Variants in KAT6B observed in about 807,000 individuals in gnomAD.
The protein encoded by KAT6B is histone acetyltransferase KAT6B.
KAT6B carries 10 observed loss-of-function variants against 187.5 expected under a neutral mutation model. The observed-to-expected ratio is 0.05, with a 90% CI of 0.03 to 0.09. The LOEUF (loss-of-function observed/expected upper bound fraction) is 0.09, where lower values mean the gene tolerates loss of function less well. KAT6B is among the 10% of genes least tolerant of loss of function. The pLI is 1.00. For synonymous variants in KAT6B, 861 were observed against 926.8 expected, an observed-to-expected ratio of 0.93 and a Z score of 1.29; for missense variants, 1,952 against 2,558.9, an observed-to-expected ratio of 0.76 and a Z score of 5.12.
intron 13 of KAT6B, among the ~76,000 whole-genome samples, chr10:74,994,210 A>G (rs748185830): frequency 6.6e-6 from 1 of 152,090 alleles, no homozygotes; most frequent in Non-Finnish European, 1.5e-5. Flanking sequence ...ATTTTTTTGT[A>G]TAATTGTGGG....
intron 12 of KAT6B, among the ~76,000 whole-genome samples, chr10:74,985,861 A>G (rs1254568665): frequency 6.6e-6 from 1 of 152,150 alleles, no homozygotes; most frequent in Non-Finnish European, 1.5e-5. Context: ...CCTGGCCAAC[A>G]TGGTGAAACC....
At chr10:74,900,452 T>C (rs1232261232) in intron 3 of KAT6B, among the ~76,000 whole-genome samples, 1 of 152,220 alleles carries the variant, frequency 6.6e-6, no homozygotes, top group Non-Finnish European at 1.5e-5. Flanking sequence ...GTTTTGCTTG[T>C]TGGCTGTCTT....
At chr10:74,960,772 G>A (rs1378828871) in intron 4 of KAT6B, among the ~76,000 whole-genome samples, 1 of 152,188 alleles carries the variant, frequency 6.6e-6, no homozygotes, top group Non-Finnish European at 1.5e-5. Context: ...GGAATGAAAT[G>A]TGAGGGCACA....
chr10:74,895,413 A>G (rs1004651620), intron 3 of KAT6B, among the ~76,000 whole-genome samples: 29 of 151,822 alleles, frequency 1.9e-4, no homozygotes, highest in African/African-American at 6.8e-4. Flanking sequence ...TGTAATACTG[A>G]AAAGTTTAGG....
intron 13 of KAT6B, among the ~76,000 whole-genome samples, chr10:75,006,868 G>A (rs983687825): frequency 7.4e-5 from 11 of 149,442 alleles, no homozygotes; most frequent in Non-Finnish European, 1.0e-4. Flanking sequence ...GGGAGTTCAC[G>A]ACCAGCCTGG....
At chr10:75,006,647 G>T (rs1430084796) in intron 13 of KAT6B, among the ~76,000 whole-genome samples, 1 of 152,038 alleles carries the variant, frequency 6.6e-6, no homozygotes, top group Non-Finnish European at 1.5e-5. Context: ...TCTTTATGTT[G>T]TCCAGGCTGG....
At chr10:74,864,137 C>T (rs1265081820) in intron 3 of KAT6B, among the ~76,000 whole-genome samples, 1 of 152,134 alleles carries the variant, frequency 6.6e-6, no homozygotes, top group Admixed American at 6.5e-5. Context: ...GGCGCGATCT[C>T]AGCCCACTGC....
chr10:74,851,861 T>C (rs1374941760), intron 3 of KAT6B, among the ~76,000 whole-genome samples: 1 of 152,224 alleles, frequency 6.6e-6, no homozygotes, highest in Admixed American at 6.5e-5. Flanking sequence ...TTTACACACA[T>C]GAATTAGATA....
chr10:74,942,095 A>G (rs1254861927), intron 3 of KAT6B, among the ~76,000 whole-genome samples: 1 of 152,152 alleles, frequency 6.6e-6, no homozygotes, highest in African/African-American at 2.4e-5. Context: ...GGTTGCAGTG[A>G]GCTGAGACCA....
intron 3 of KAT6B, among the ~76,000 whole-genome samples, chr10:74,873,693 T>G (rs1844185804): frequency 1.3e-5 from 2 of 152,078 alleles, no homozygotes; most frequent in Non-Finnish European, 2.9e-5. Flanking sequence ...GGAAGAGATT[T>G]TAGGGGAGAG....
intron 3 of KAT6B, among the ~76,000 whole-genome samples, chr10:74,915,048 T>C (rs1847567402): frequency 6.6e-6 from 1 of 152,180 alleles, no homozygotes; most frequent in Non-Finnish European, 1.5e-5. Context: ...TGTAGTGAGC[T>C]ATGATTGAGC....
chr10:74,899,571 G>C (rs58771151), intron 3 of KAT6B, among the ~76,000 whole-genome samples: 220 of 152,166 alleles, frequency 1.4e-3, no homozygotes, highest in African/African-American at 5.1e-3. Flanking sequence ...CACCGCGCCC[G>C]ACCTCTAAAT....
intron 3 of KAT6B, among the ~76,000 whole-genome samples, chr10:74,887,569 C>G (rs1484000734): frequency 6.6e-6 from 1 of 152,008 alleles, no homozygotes; most frequent in Non-Finnish European, 1.5e-5. Context: ...AGGTGATCCA[C>G]CTGCCTCAGC....
At chr10:74,846,044 T>C (rs3998208) in intron 3 of KAT6B, among the ~76,000 whole-genome samples, 1 of 151,866 alleles carries the variant, frequency 6.6e-6, no homozygotes, top group Non-Finnish European at 1.5e-5. Flanking sequence ...TTGTACTTTT[T>C]GTAAAGATGA....
chr10:74,832,711 G>A (rs1840950144), intron 1 of KAT6B, among the ~76,000 whole-genome samples: 1 of 151,944 alleles, frequency 6.6e-6, no homozygotes, highest in South Asian at 2.1e-4. Context: ...TGTTGGCCGG[G>A]CTGGTCTCAA....
chr10:75,002,775 G>A (rs967051625), intron 13 of KAT6B, among the ~76,000 whole-genome samples: 6 of 152,206 alleles, frequency 3.9e-5, no homozygotes, highest in East Asian at 1.9e-4. Flanking sequence ...GTGGTCCATC[G>A]TTGACCTAAA....
chr10:74,936,997 T>G (rs1372131037), intron 3 of KAT6B, among the ~76,000 whole-genome samples: 2 of 152,222 alleles, frequency 1.3e-5, no homozygotes, highest in African/African-American at 4.8e-5. Context: ...ATTGATGTTT[T>G]CTTTGGCAAG....
intron 3 of KAT6B, among the ~76,000 whole-genome samples, chr10:74,879,092 C>T (rs1236369097): frequency 6.6e-6 from 1 of 152,134 alleles, no homozygotes; most frequent in Non-Finnish European, 1.5e-5. Flanking sequence ...TCTGGGATGT[C>T]AAGAAAGTAG....
chr10:74,840,206 G>A (rs1718124324), intron 2 of KAT6B, among the ~76,000 whole-genome samples: 1 of 152,182 alleles, frequency 6.6e-6, no homozygotes. Flanking sequence ...TTTATAATTG[G>A]ATAATGCCTG....
Sources: allele counts gnomAD v4.1 joint callset (sites outside exome capture counted in the v4.1 genomes callset), GRCh38; gene constraint gnomAD v4.1.1; transcripts MANE v1.5; gene names NCBI Gene and HGNC (gene_info 2026-07-23, HGNC 2026-07-21).